The following ATXN7 variants were observed in gnomAD, a reference collection of about 807,000 sequenced individuals.
ATXN7 encodes ataxin-7.
Under a neutral mutation model 70.5 loss-of-function variants are expected in ATXN7, and 12 were observed. The ratio of observed to expected loss-of-function variants is 0.17; its 90% CI spans 0.11 to 0.28. ATXN7 has a LOEUF of 0.28. Ranked by LOEUF, ATXN7 falls within the 10% of genes least tolerant of loss-of-function variation. ATXN7 has a pLI of 1.00. For missense variants in ATXN7, 1,256 were observed against 1,131.7 expected (o/e 1.11, Z -1.58); for synonymous variants, 498 against 448.7 (o/e 1.11, Z -1.39).
chr3:63,961,740 AATT>A (rs1170982927), intron 5 of ATXN7, among the ~76,000 whole-genome samples: 3 of 152,010 alleles, frequency 2.0e-5, no homozygotes, highest in Non-Finnish European at 4.4e-5. Context: ...TTAAGTAAGA[AATT>A]ATTATTTAAT....
In ATXN7 at chr3:63,982,356, A is replaced by C. The variant is rs372171156; in HGVS notation, c.923A>C (p.Asn308Thr). Residue 308 changes from asparagine to threonine, a missense_variant, in exon 7 of 13, where the codon AAT becomes ACT. Transcript: ENST00000674280. ...PTLPSPGQIL[N>T]GKGLPAPPTL... ...TTGCCTTCACCTGGACAGATTCTGAATGGCAAAGGGCTTCCTGCACCGCCC... is the reference window on the plus strand; with the variant it reads ...TTGCCTTCACCTGGACAGATTCTGACTGGCAAAGGGCTTCCTGCACCGCCC... 2 of 1,614,048 alleles carry C rather than the reference A, an allele frequency of 1.2e-6. No individual in the cohort carries two copies. The highest frequency in any genetic ancestry group is 4.5e-5 in the East Asian group (2 of 44,896).
intron 1 of ATXN7, among the ~76,000 whole-genome samples, chr3:63,880,781 C>T (rs1176390161): frequency 2.0e-5 from 3 of 152,288 alleles, no homozygotes; most frequent in East Asian, 1.9e-4. Context: ...TATTCAGACA[C>T]GCCGCCCTTC....
At chr3:63,978,498 A>G (rs920091255) in intron 5 of ATXN7, among the ~76,000 whole-genome samples, 2 of 152,238 alleles carry the variant, frequency 1.3e-5, no homozygotes, top group African/African-American at 4.8e-5. Flanking sequence ...TTGGGATCAT[A>G]AAAGAGAGAA....
chr3:63,998,041 C>G (rs749475890), intron 12 of ATXN7: 1 of 985,262 alleles, frequency 1.0e-6, no homozygotes, highest in Non-Finnish European at 1.2e-6. Context: ...CATGGTGTGC[C>G]GATTCTTCAA....
At chr3:63,987,724 A>C (rs138539348) in intron 8 of ATXN7, among the ~76,000 whole-genome samples, 3 of 152,266 alleles carry the variant, frequency 2.0e-5, no homozygotes, top group Non-Finnish European at 4.4e-5. Flanking sequence ...CCAAAACCAA[A>C]TTGCTGTTGT....
At chr3:63,954,721 T>G (rs1031244444) in intron 5 of ATXN7, among the ~76,000 whole-genome samples, 4 of 149,430 alleles carry the variant, frequency 2.7e-5, no homozygotes, top group Non-Finnish European at 4.5e-5. Flanking sequence ...GTTTTTTTTT[T>G]TTTTTGAGAC....
intron 5 of ATXN7, among the ~76,000 whole-genome samples, chr3:63,960,358 T>G (rs1025409837): frequency 6.6e-6 from 1 of 152,072 alleles, no homozygotes; most frequent in Non-Finnish European, 1.5e-5. Context: ...ATGAGAAGAA[T>G]CAGGATTGGA....
upstream of ATXN7, chr3:63,863,582 AG>A: frequency 8.4e-7 from 1 of 1,197,126 alleles, no homozygotes; most frequent in Non-Finnish European, 1.0e-6. Flanking sequence ...CTCTGGCGAG[AG>A]GAGGAAGGAC....
chr3:63,875,593 G>A (rs1183589672), intron 1 of ATXN7, among the ~76,000 whole-genome samples: 1 of 152,172 alleles, frequency 6.6e-6, no homozygotes, highest in Non-Finnish European at 1.5e-5. Context: ...AATTAGCTGG[G>A]TTTGAAGTAC....
chr3:63,905,740 C>T (rs981888399), intron 2 of ATXN7: 1 of 152,208 alleles, frequency 6.6e-6, no homozygotes, highest in Non-Finnish European at 1.5e-5. Flanking sequence ...TCCTGAAGTT[C>T]CTTCACTTAG....
In ATXN7 at chr3:63,999,560, G is replaced by A. The variant is rs994959421; in HGVS notation, c.*93G>A. 2 of 1,581,902 alleles carry A rather than the reference G, an allele frequency of 1.3e-6. No individual in the cohort carries two copies. Among genetic ancestry groups the A allele is most frequent in the African/African-American group, 2.7e-5 (2 of 74,218 alleles). On this transcript the variant is annotated 3_prime_UTR_variant, in exon 13 of 13. Coordinates refer to ENST00000674280, the MANE Select transcript of ATXN7 (RefSeq NM_001377405.1). ...ACTCTGGACTCCACGATGCCTTTGA[G>A]TCTGTTTTCCCAACCTCCTGTGGGC...
chr3:63,949,325 ATAT>A (rs1454322990), intron 4 of ATXN7, among the ~76,000 whole-genome samples: 2 of 152,016 alleles, frequency 1.3e-5, no homozygotes, highest in East Asian at 3.9e-4. Context: ...TTACTTCCAA[ATAT>A]GGATATCTGA....
chr3:63,944,416 A>G (rs2074822720), intron 4 of ATXN7, among the ~76,000 whole-genome samples: 1 of 152,220 alleles, frequency 6.6e-6, no homozygotes, highest in African/African-American at 2.4e-5. Context: ...CACAAGTACT[A>G]CAATAGCAGG....
intron 9 of ATXN7, among the ~76,000 whole-genome samples, chr3:63,988,855 A>G (rs2075620050): frequency 6.6e-6 from 1 of 152,238 alleles, no homozygotes; most frequent in South Asian, 2.1e-4. Context: ...ACTTATACAC[A>G]TACCTCAGAG....
chr3:63,907,615 T>C (rs914251966), intron 2 of ATXN7, among the ~76,000 whole-genome samples: 7 of 150,730 alleles, frequency 4.6e-5, no homozygotes, highest in Admixed American at 2.0e-4. Context: ...CATGCCTGCA[T>C]GCCTGGCTGT....
chr3:63,964,521 C>T (rs1353593892), intron 5 of ATXN7, among the ~76,000 whole-genome samples: 1 of 152,190 alleles, frequency 6.6e-6, no homozygotes, highest in Non-Finnish European at 1.5e-5. Flanking sequence ...TAACTCAAAG[C>T]CTGTGTAAAT....
intron 11 of ATXN7, among the ~76,000 whole-genome samples, chr3:63,991,248 A>T (rs2075666899): frequency 6.6e-6 from 1 of 151,764 alleles, no homozygotes; most frequent in Non-Finnish European, 1.5e-5. Flanking sequence ...TATACTTAAC[A>T]TTCACAATTC....
At chr3:63,940,601 A>C (rs1164988599) in intron 4 of ATXN7, among the ~76,000 whole-genome samples, 1 of 152,144 alleles carries the variant, frequency 6.6e-6, no homozygotes, top group Non-Finnish European at 1.5e-5. Flanking sequence ...TCGAGCCCTT[A>C]TGTGTACACT....
chr3:63,894,330 A>C (rs1325344328), intron 1 of ATXN7, among the ~76,000 whole-genome samples: 1 of 152,144 alleles, frequency 6.6e-6, no homozygotes, highest in Non-Finnish European at 1.5e-5. Context: ...ATTAACAACA[A>C]AGTCATATTG....
Sources: allele counts gnomAD v4.1 joint callset (sites outside exome capture counted in the v4.1 genomes callset), GRCh38; gene constraint gnomAD v4.1.1; transcripts MANE v1.5; gene names NCBI Gene and HGNC (gene_info 2026-07-23, HGNC 2026-07-21).